GRID1: variants seen among roughly 807,000 people sequenced by gnomAD.
GRID1 encodes the protein glutamate receptor ionotropic, delta-1.
A neutral mutation model predicts 98.0 loss-of-function variants in GRID1; 28 were observed. The ratio of observed to expected loss-of-function variants is 0.29; its 90% CI spans 0.21 to 0.39. The LOEUF is 0.39. Among genes scored for constraint, GRID1 ranks in the 10% least tolerant of loss-of-function variants. The pLI is 1.00. For synonymous variants in GRID1, 553 were observed against 538.5 expected (o/e 1.03, Z -0.37); for missense variants, 1,111 against 1,340.5 (o/e 0.83, Z 2.67).
At chr10:86,153,862 C>G (rs1458361486) in intron 3 of GRID1, among the ~76,000 whole-genome samples, 1 of 150,230 alleles carries the variant, frequency 6.7e-6, no homozygotes. Context: ...CCTCTTGGGC[C>G]AGATTACAAA....
intron 2 of GRID1, among the ~76,000 whole-genome samples, chr10:86,316,523 C>T (rs1332402246): frequency 6.6e-6 from 1 of 152,262 alleles, no homozygotes; most frequent in Non-Finnish European, 1.5e-5. Flanking sequence ...CCCAGAGGCC[C>T]CTCAAAGCTG....
At chr10:85,951,913 C>A (rs1263689118) in intron 4 of GRID1, among the ~76,000 whole-genome samples, 1 of 152,182 alleles carries the variant, frequency 6.6e-6, no homozygotes. Context: ...GGGGTGAGGC[C>A]GACGCCTTGC....
intron 2 of GRID1, among the ~76,000 whole-genome samples, chr10:86,332,012 G>C (rs1190692157): frequency 6.6e-6 from 1 of 152,196 alleles, no homozygotes; most frequent in Non-Finnish European, 1.5e-5. Context: ...AGACCAGACG[G>C]AGGCTGCAGG....
chr10:86,362,070 A>T (rs1178763576), intron 2 of GRID1, among the ~76,000 whole-genome samples: 1 of 152,236 alleles, frequency 6.6e-6, no homozygotes, highest in Non-Finnish European at 1.5e-5. Context: ...GTCACCAGAC[A>T]TGGAACACAG....
chr10:86,085,536 T>C (rs563706259), intron 4 of GRID1, among the ~76,000 whole-genome samples: 2 of 152,208 alleles, frequency 1.3e-5, no homozygotes, highest in East Asian at 1.9e-4. Context: ...GGGACCTGGG[T>C]GGGGAAGATG....
At chr10:86,183,418 GGCATGATC>G (rs1249020013) in intron 3 of GRID1, among the ~76,000 whole-genome samples, 1 of 152,150 alleles carries the variant, frequency 6.6e-6, no homozygotes, top group Admixed American at 6.5e-5. Context: ...GAAGTGCAAT[GGCATGATC>G]TCAGCTCACT....
chr10:85,951,143 C>A (rs1018404464), intron 4 of GRID1, among the ~76,000 whole-genome samples: 1 of 152,204 alleles, frequency 6.6e-6, no homozygotes, highest in Non-Finnish European at 1.5e-5. Flanking sequence ...CAAGCAAGAC[C>A]AAACCAGGTC....
At chr10:86,031,638 A>C (rs961393533) in intron 4 of GRID1, among the ~76,000 whole-genome samples, 1 of 151,896 alleles carries the variant, frequency 6.6e-6, no homozygotes, top group Non-Finnish European at 1.5e-5. Flanking sequence ...CCCCCTCATC[A>C]AAGCCCCTAC....
intron 4 of GRID1, among the ~76,000 whole-genome samples, chr10:85,966,670 T>C (rs1041201166): frequency 4.6e-5 from 7 of 151,806 alleles, no homozygotes; most frequent in Admixed American, 6.6e-5. Flanking sequence ...AAAAATTAGC[T>C]GGACATGGTG....
intron 2 of GRID1, among the ~76,000 whole-genome samples, chr10:86,336,290 G>C (rs10887578): frequency 0.38 from 58,280 of 152,150 alleles, 13,007 homozygotes; most frequent in Admixed American, 0.51. Context: ...AGAGGCTAAA[G>C]GCTGATCACT....
chr10:85,893,278 C>G (rs1438935499), intron 5 of GRID1, among the ~76,000 whole-genome samples: 2 of 152,144 alleles, frequency 1.3e-5, no homozygotes, highest in Non-Finnish European at 2.9e-5. Flanking sequence ...CTAACATCAT[C>G]ATTAATGATA....
chr10:86,353,635 C>G (rs554127794), intron 2 of GRID1, among the ~76,000 whole-genome samples: 1 of 152,184 alleles, frequency 6.6e-6, no homozygotes, highest in Admixed American at 6.5e-5. Context: ...CAGAGCTGGG[C>G]CCCAGCAGCA....
intron 2 of GRID1, among the ~76,000 whole-genome samples, chr10:86,299,656 T>C (rs898715901): frequency 6.6e-6 from 1 of 152,110 alleles, no homozygotes; most frequent in South Asian, 2.1e-4. Flanking sequence ...AAGATTTCAA[T>C]AGCGCTTTGC....
At chr10:85,769,237 C>A (rs1159560764) in intron 8 of GRID1, among the ~76,000 whole-genome samples, 1 of 152,144 alleles carries the variant, frequency 6.6e-6, no homozygotes, top group East Asian at 1.9e-4. Flanking sequence ...AGGCCATTAT[C>A]CTAAGCAAAT....
chr10:86,085,987 C>G (rs1374722225), intron 4 of GRID1, among the ~76,000 whole-genome samples: 1 of 152,142 alleles, frequency 6.6e-6, no homozygotes, highest in Non-Finnish European at 1.5e-5. Flanking sequence ...TTCTGTTCCT[C>G]AAGCTCACCA....
chr10:86,056,101 G>A (rs961326706), intron 4 of GRID1, among the ~76,000 whole-genome samples: 1 of 152,194 alleles, frequency 6.6e-6, no homozygotes, highest in African/African-American at 2.4e-5. Flanking sequence ...CCTCAGGGCT[G>A]TGACCAGAGC....
At chr10:86,076,501 T>G (rs77233580) in intron 4 of GRID1, among the ~76,000 whole-genome samples, 1 of 152,022 alleles carries the variant, frequency 6.6e-6, no homozygotes, top group Non-Finnish European at 1.5e-5. Flanking sequence ...AGTGTGTGCA[T>G]TGAGAGAGGA....
At chr10:85,768,078 C>T (rs1331526681) in intron 8 of GRID1, among the ~76,000 whole-genome samples, 1 of 152,188 alleles carries the variant, frequency 6.6e-6, no homozygotes, top group Non-Finnish European at 1.5e-5. Flanking sequence ...AAAGTTTTCT[C>T]ACCTTCCCAG....
chr10:85,641,432 T>C (rs1331510042), intron 13 of GRID1, among the ~76,000 whole-genome samples: 1 of 152,184 alleles, frequency 6.6e-6, no homozygotes, highest in Non-Finnish European at 1.5e-5. Flanking sequence ...GGCATATATC[T>C]TGCCACTTTG....
Sources: allele counts gnomAD v4.1 joint callset (sites outside exome capture counted in the v4.1 genomes callset), GRCh38; gene constraint gnomAD v4.1.1; transcripts MANE v1.5; gene names NCBI Gene and HGNC (gene_info 2026-07-23, HGNC 2026-07-21).